TENM3: variants seen among roughly 807,000 people sequenced by gnomAD.
TENM3 encodes teneurin-3.
Under a neutral mutation model 255.1 loss-of-function variants are expected in TENM3, and 63 were observed. The ratio of observed to expected loss-of-function variants is 0.25; its 90% CI spans 0.20 to 0.30. The LOEUF is 0.30. Ranked by LOEUF, TENM3 falls within the 10% of genes least tolerant of loss-of-function variation. The pLI is 1.00. For synonymous variants in TENM3, 1,306 were observed against 1,322.3 expected (o/e 0.99, Z 0.27); for missense variants, 2,929 against 3,461.1 (o/e 0.85, Z 3.86).
intron 4 of TENM3, among the ~76,000 whole-genome samples, chr4:182,617,821 C>T (rs1749681288): frequency 6.6e-6 from 1 of 152,136 alleles, no homozygotes; most frequent in Non-Finnish European, 1.5e-5. Flanking sequence ...GTAAATGATT[C>T]TCTTTGTCCA....
the TENM3 span, among the ~76,000 whole-genome samples, chr4:181,780,624 G>A: frequency 6.6e-6 from 1 of 152,168 alleles, no homozygotes; most frequent in African/African-American, 2.4e-5. Context: ...TTGCTGTGCA[G>A]AAGTTCTTTA....
the TENM3 span, among the ~76,000 whole-genome samples, chr4:182,034,927 C>T: frequency 6.6e-6 from 1 of 152,070 alleles, no homozygotes; most frequent in Non-Finnish European, 1.5e-5. Flanking sequence ...CAATGTTGGC[C>T]TGTCTTGTTA....
chr4:182,449,885 C>A (rs942393301), intron 3 of TENM3, among the ~76,000 whole-genome samples: 1 of 152,194 alleles, frequency 6.6e-6, no homozygotes, highest in Non-Finnish European at 1.5e-5. Context: ...AAGTAAAAAT[C>A]ATTTGCCATT....
At chr4:181,589,639 A>G in the TENM3 span, among the ~76,000 whole-genome samples, 1 of 152,232 alleles carries the variant, frequency 6.6e-6, no homozygotes, top group Non-Finnish European at 1.5e-5. Flanking sequence ...CAACAGAAGA[A>G]AAGCATACAA....
intron 3 of TENM3, among the ~76,000 whole-genome samples, chr4:182,558,805 C>T (rs1400813212): frequency 6.6e-6 from 1 of 152,066 alleles, no homozygotes; most frequent in Admixed American, 6.6e-5. Flanking sequence ...ATGCTTCTTC[C>T]AGAGAAGCTT....
chr4:181,544,429 A>AAAG, the TENM3 span, among the ~76,000 whole-genome samples: 1 of 146,058 alleles, frequency 6.8e-6, no homozygotes, highest in Admixed American at 6.8e-5. Flanking sequence ...AAAAAAAAAA[A>AAAG]AAAAAAACTA....
At chr4:181,871,061 A>G in the TENM3 span, among the ~76,000 whole-genome samples, 1 of 152,080 alleles carries the variant, frequency 6.6e-6, no homozygotes, top group African/African-American at 2.4e-5. Context: ...ATTTTAGTGA[A>G]CGTTGATGGG....
intron 3 of TENM3, among the ~76,000 whole-genome samples, chr4:182,578,328 G>A (rs1299157225): frequency 6.6e-6 from 1 of 152,080 alleles, no homozygotes; most frequent in Non-Finnish European, 1.5e-5. Context: ...ACCCTGCCTT[G>A]TATTCTGTCA....
At chr4:181,756,639 G>A in the TENM3 span, among the ~76,000 whole-genome samples, 1 of 152,168 alleles carries the variant, frequency 6.6e-6, no homozygotes, top group Non-Finnish European at 1.5e-5. Flanking sequence ...AAACTCCGAT[G>A]GCAGTTTGCT....
chr4:182,468,166 C>T (rs189939795), intron 3 of TENM3, among the ~76,000 whole-genome samples: 4 of 152,194 alleles, frequency 2.6e-5, no homozygotes, highest in African/African-American at 4.8e-5. Context: ...GTGGGAGGAT[C>T]GCTTGAGCCC....
chr4:181,450,744 C>T, the TENM3 span, among the ~76,000 whole-genome samples: 392 of 152,298 alleles, frequency 2.6e-3, 2 homozygotes, highest in African/African-American at 9.1e-3. Flanking sequence ...ATTCTTTAAA[C>T]CTACATGCGC....
chr4:181,505,755 C>T, the TENM3 span, among the ~76,000 whole-genome samples: 1 of 152,098 alleles, frequency 6.6e-6, no homozygotes, highest in Non-Finnish European at 1.5e-5. Context: ...AAGATTATAG[C>T]AGAAATTCAA....
chr4:181,818,162 T>C, the TENM3 span, among the ~76,000 whole-genome samples: 6 of 152,342 alleles, frequency 3.9e-5, no homozygotes, highest in South Asian at 2.1e-4. Context: ...AGACATGAGT[T>C]GCGATGGTCA....
At chr4:182,563,748 G>C (rs1176819948) in intron 3 of TENM3, among the ~76,000 whole-genome samples, 4 of 152,120 alleles carry the variant, frequency 2.6e-5, no homozygotes, top group East Asian at 3.9e-4. Context: ...AACATATAAT[G>C]AGTGCTTTCA....
intron 1 of TENM3, among the ~76,000 whole-genome samples, chr4:182,301,525 T>C (rs1761857148): frequency 6.6e-6 from 1 of 152,180 alleles, no homozygotes; most frequent in African/African-American, 2.4e-5. Context: ...GATTTTTTCT[T>C]TAATTATTTT....
At chr4:181,655,619 C>T in the TENM3 span, among the ~76,000 whole-genome samples, 1 of 152,062 alleles carries the variant, frequency 6.6e-6, no homozygotes, top group Non-Finnish European at 1.5e-5. Context: ...GGCAGAGGCC[C>T]CTTTCATAGT....
the TENM3 span, among the ~76,000 whole-genome samples, chr4:181,617,265 GA>G: frequency 6.6e-6 from 1 of 152,004 alleles, no homozygotes; most frequent in Non-Finnish European, 1.5e-5. Context: ...ATTCTGTGGG[GA>G]AAAAAATAGA....
At chr4:181,953,054 G>A in the TENM3 span, among the ~76,000 whole-genome samples, 2 of 152,184 alleles carry the variant, frequency 1.3e-5, no homozygotes, top group Admixed American at 1.3e-4. Flanking sequence ...CGAGGTTTAT[G>A]TTTACCTTTA....
chr4:182,166,198 A>G (rs941141854), intron 1 of TENM3, among the ~76,000 whole-genome samples: 3 of 152,362 alleles, frequency 2.0e-5, no homozygotes, highest in Non-Finnish European at 4.4e-5. Flanking sequence ...TCTCAGAGAC[A>G]TCGTCAAAGA....
Sources: gnomAD v4.1 joint callset for allele counts (sites outside exome capture counted in the v4.1 genomes callset) on GRCh38, gnomAD v4.1.1 for gene constraint, MANE v1.5 for transcripts, NCBI Gene and HGNC (gene_info 2026-07-23, HGNC 2026-07-21) for gene names.